Variants in PDE1C observed in about 807,000 individuals in gnomAD.
PDE1C encodes dual specificity calcium/calmodulin-dependent 3',5'-cyclic nucleotide phosphodiesterase 1C.
Under a neutral mutation model 93.1 loss-of-function variants are expected in PDE1C, and 62 were observed. The ratio of observed to expected loss-of-function variants is 0.67; its 90% CI spans 0.54 to 0.82. The LOEUF is 0.82. Ranked by LOEUF, PDE1C falls within the 40% of genes least tolerant of loss-of-function variation. PDE1C has a pLI of 0.00. For synonymous variants in PDE1C, 325 were observed against 310.1 expected (o/e 1.05, Z -0.50); for missense variants, 742 against 884.6 (o/e 0.84, Z 2.04).
intron 5 of PDE1C, 125 bp from the exon 6 acceptor site, chr7:31,873,533 A>G (rs1412637857): frequency 1.6e-6 from 1 of 639,978 alleles, no homozygotes; most frequent in African/African-American, 1.8e-5. Context: ...ACTCAAACAG[A>G]CTTTCCACTC....
intron 1 of PDE1C, among the ~76,000 whole-genome samples, chr7:32,398,874 G>A (rs1382767877): frequency 6.6e-6 from 1 of 152,084 alleles, no homozygotes; most frequent in Non-Finnish European, 1.5e-5. Flanking sequence ...CCCAGATTAG[G>A]TAAGGGTGGA....
At chr7:32,277,182 G>A (rs188084014) in intron 1 of PDE1C, among the ~76,000 whole-genome samples, 3 of 152,290 alleles carry the variant, frequency 2.0e-5, no homozygotes, top group South Asian at 2.1e-4. Context: ...TTGGGAGGTC[G>A]TGATGGGCTT....
chr7:32,197,181 C>A (rs1307464699), intron 2 of PDE1C, among the ~76,000 whole-genome samples: 2 of 151,936 alleles, frequency 1.3e-5, no homozygotes, highest in African/African-American at 4.8e-5. Flanking sequence ...CACGAGTGGG[C>A]AATAAGCATA....
At chr7:32,214,068 A>G (rs1806246291) in intron 1 of PDE1C, among the ~76,000 whole-genome samples, 1 of 152,146 alleles carries the variant, frequency 6.6e-6, no homozygotes, top group Non-Finnish European at 1.5e-5. Context: ...ATTATTTTGG[A>G]TATGTTTGTA....
In PDE1C at chr7:31,998,262, T is replaced by A. The variant is rs993606642; in HGVS notation, c.128+53292A>T. ...TCTCGATCTCCTGACCTCGTGATTC[T>A]CCCGCCTTGGCCTCCCAAAGTGCTG... On this transcript the variant is annotated intron_variant, in intron 2 of 17. Transcript: ENST00000396191. 2.0e-5 allele frequency among the ~76,000 whole-genome samples: 3 copies of A among 152,166 alleles called. No homozygotes were observed. In the East Asian group the frequency reaches 5.8e-4, roughly 29 times the overall value.
the PDE1C span, chr7:31,652,024 C>T: frequency 1.2e-6 from 2 of 1,601,990 alleles, no homozygotes; most frequent in African/African-American, 2.7e-5. Context: ...AGACCGGGCT[C>T]AGCAAATCAG....
exon 1 of PDE1C, chr7:32,298,936 G>T: frequency 7.5e-7 from 1 of 1,335,868 alleles, no homozygotes; most frequent in Non-Finnish European, 9.5e-7. Context: ...AAAGCGCTAG[G>T]AGCTCGGCGG....
intron 2 of PDE1C, among the ~76,000 whole-genome samples, chr7:31,951,914 C>T (rs1159577669): frequency 1.3e-5 from 2 of 152,246 alleles, no homozygotes; most frequent in Admixed American, 6.5e-5. Flanking sequence ...CTTACAGTTC[C>T]ACTTGCCCCA....
chr7:31,886,756 G>T (rs1797930266), intron 2 of PDE1C, among the ~76,000 whole-genome samples: 1 of 151,004 alleles, frequency 6.6e-6, no homozygotes, highest in African/African-American at 2.4e-5. Flanking sequence ...CAGACTGAAG[G>T]CAGTGATCTA....
intron 1 of PDE1C, among the ~76,000 whole-genome samples, chr7:32,282,485 A>AATAGATAGCTAGATAGATAGATAGACAG (rs376678996): frequency 7.0e-6 from 1 of 143,860 alleles, no homozygotes; most frequent in Admixed American, 6.9e-5. Flanking sequence ...TCAAAAAAAA[A>AATAGATAGCTAGATAGATAGATAGACAG]ATAGATAGAT....
At chr7:32,009,118 C>A (rs1372469182) in intron 2 of PDE1C, among the ~76,000 whole-genome samples, 1 of 152,150 alleles carries the variant, frequency 6.6e-6, no homozygotes, top group African/African-American at 2.4e-5. Context: ...AAAACAATGG[C>A]TTTCAAAACA....
upstream of PDE1C, among the ~76,000 whole-genome samples, chr7:32,073,961 C>T (rs991675222): frequency 6.6e-6 from 1 of 152,214 alleles, no homozygotes; most frequent in Admixed American, 6.5e-5. Flanking sequence ...GGAAACATTA[C>T]ATGGTCAAAC....
chr7:32,032,184 G>A (rs1790421709), intron 2 of PDE1C, among the ~76,000 whole-genome samples: 1 of 152,166 alleles, frequency 6.6e-6, no homozygotes, highest in Non-Finnish European at 1.5e-5. Context: ...GATGCCACAT[G>A]GGGCAGAAAA....
chr7:31,805,615 T>TA (rs1786725337), intron 16 of PDE1C, among the ~76,000 whole-genome samples: 1 of 151,172 alleles, frequency 6.6e-6, no homozygotes, highest in Non-Finnish European at 1.5e-5. Context: ...TGGCTATGGG[T>TA]AATTGAAACC....
chr7:31,892,089 A>G (rs1050676371), intron 2 of PDE1C, among the ~76,000 whole-genome samples: 1 of 152,214 alleles, frequency 6.6e-6, no homozygotes, highest in Non-Finnish European at 1.5e-5. Context: ...TGATGACAAA[A>G]GGCTGGACAT....
At chr7:32,082,986 G>C (rs1796806050) in intron 3 of PDE1C, among the ~76,000 whole-genome samples, 1 of 151,046 alleles carries the variant, frequency 6.6e-6, no homozygotes, top group Non-Finnish European at 1.5e-5. Context: ...ACCAGCAATG[G>C]AACAAAGCTG....
At chr7:31,909,843 A>G (rs1264825078) in intron 2 of PDE1C, among the ~76,000 whole-genome samples, 2 of 152,168 alleles carry the variant, frequency 1.3e-5, no homozygotes, top group African/African-American at 4.8e-5. Context: ...GTCTGGCACT[A>G]AAGCAGGAGT....
chr7:32,006,835 G>C (rs1786331617), intron 2 of PDE1C, among the ~76,000 whole-genome samples: 1 of 152,182 alleles, frequency 6.6e-6, no homozygotes, highest in Admixed American at 6.5e-5. Context: ...ATGATGCAAA[G>C]TGCTCCATCT....
chr7:32,249,163 A>G (rs769885701), intron 1 of PDE1C, among the ~76,000 whole-genome samples: 7 of 152,090 alleles, frequency 4.6e-5, no homozygotes, highest in Non-Finnish European at 8.8e-5. Context: ...TCTGGACAAG[A>G]AGGGTGCTAT....
Sources: gnomAD v4.1 joint callset for allele counts (sites outside exome capture counted in the v4.1 genomes callset) on GRCh38, gnomAD v4.1.1 for gene constraint, MANE v1.5 for transcripts, NCBI Gene and HGNC (gene_info 2026-07-23, HGNC 2026-07-21) for gene names.